NLGN2: variants seen among roughly 807,000 people sequenced by gnomAD.
NLGN2 encodes the protein neuroligin-2.
A neutral mutation model predicts 48.6 loss-of-function variants in NLGN2; 11 were observed. The ratio of observed to expected loss-of-function variants is 0.23; its 90% CI spans 0.14 to 0.37. NLGN2 has a LOEUF of 0.37. Among genes scored for constraint, NLGN2 ranks in the 10% least tolerant of loss-of-function variants. The pLI is 1.00. For missense variants in NLGN2, 801 were observed against 1,225.2 expected, an observed-to-expected ratio of 0.65 and a Z score of 5.17; for synonymous variants, 548 against 550.0, an observed-to-expected ratio of 1.00 and a Z score of 0.05.
In NLGN2 at chr17:7,419,520, T is replaced by G. The variant is rs1907301916; in HGVS notation, c.*1721T>G. On this transcript the variant is annotated 3_prime_UTR_variant, in exon 7 of 7. Transcript: ENST00000302926. ...TCCCTGGTCTTGAGTCCCCAGAACT[T>G]TGCCTCTTGACTGTCCCTTCTCTTC... 1 of 152,650 alleles carries G rather than the reference T, an allele frequency of 6.6e-6. No homozygotes were observed. The highest frequency in any genetic ancestry group is 1.5e-5 in the Non-Finnish European group (1 of 68,090). The allele number at this position is 152,650 out of a possible 1,614,324, so 9.5% of individuals were successfully genotyped here.
In NLGN2 at chr17:7,417,244, C is replaced by A. The variant is rs771912522; in HGVS notation, c.1953C>A (p.Pro651=). Residue 651 remains proline (P), a synonymous_variant, in exon 7 of 7, where the codon CCC becomes CCA. Coordinates refer to ENST00000302926, the MANE Select transcript of NLGN2 (RefSeq NM_020795.4). ...CCCCGCCGCCTGCCACCCTGCCTCCCGAGCCCGAGCCCGAGCCCGGCCCAA... is the reference window on the plus strand; with the variant it reads ...CCCCGCCGCCTGCCACCCTGCCTCCAGAGCCCGAGCCCGAGCCCGGCCCAA... ...RRPPPPATLP[P]EPEPEPGPRA... is the part of the protein sequence containing the mutation. The A allele has an allele frequency of 6.5e-7, 1 of 1,537,910 alleles. No homozygotes were observed.
Position 7,414,343 on chromosome 17 carries a change from G to T in NLGN2, c.509-1G>T. 7.9e-7 allele frequency: 1 copy of T among 1,261,000 alleles called. No individual in the cohort carries two copies. The highest frequency in any genetic ancestry group is 1.2e-5 in the South Asian group (1 of 83,660). 78.1% of individuals were successfully genotyped at this position (1,261,000 alleles called of 1,614,324 possible). A position where few individuals can be genotyped will look rare whatever the true frequency, so the allele number is the denominator to read the frequency against. ...CCACCTGCCCACCCCTCCCCACACA[G>T]ATATCCGTGACCCTGGGAAGAAGCC... is the stretch of plus-strand genomic sequence containing the variant. On this transcript the variant is annotated splice_acceptor_variant, in intron 2 of 6. Coordinates refer to ENST00000302926, the MANE Select transcript of NLGN2 (RefSeq NM_020795.4). LOFTEE classifies it high-confidence loss of function.
intron 6 of NLGN2, 138 bp downstream of exon 6, chr17:7,416,245 C>T (rs1024769402): frequency 1.1e-5 from 8 of 703,686 alleles, no homozygotes; most frequent in South Asian, 3.3e-5. Flanking sequence ...GTGCCAGGCA[C>T]GGAGTTGAGC....
intron 6 of NLGN2, among the ~76,000 whole-genome samples, chr17:7,416,383 C>G (rs1352088946): frequency 7.4e-6 from 1 of 135,254 alleles, no homozygotes; most frequent in African/African-American, 2.5e-5. Context: ...GCCCGACCCC[C>G]CTAGGGCTCT....
At position 7,408,008 on chromosome 17, in the gene NLGN2, G is replaced by A. The variant is rs994438893; in HGVS notation, c.-248G>A. On this transcript the variant is annotated 5_prime_UTR_variant, in exon 1 of 7. Transcript: ENST00000302926. The surrounding 1 kb of genome is among the most constrained non-coding windows in gnomAD (Gnocchi z 7.5). ...CCCTGCCCCTCTCGCTCCACCCCCC[G>A]CAGGTCGGGCCTGCCTTCACCTTCT... is the stretch of plus-strand genomic sequence containing the variant. 5.9e-6 allele frequency: 2 copies of A among 338,826 alleles called. No individual in the cohort carries two copies. Among genetic ancestry groups the A allele is most frequent in the East Asian group, 4.6e-5 (1 of 21,642 alleles). The allele number at this position is 338,826 out of a possible 1,614,324, so 21.0% of individuals were successfully genotyped here.
chr17:7,412,328 A>AAAAAGAAAAG, intron 2 of NLGN2, 121 bp downstream of exon 2: 1 of 751,842 alleles, frequency 1.3e-6, no homozygotes, highest in Non-Finnish European at 2.3e-6. Flanking sequence ...AACTAAAATG[A>AAAAAGAAAAG]AAAAGAAAAG....
chr17:7,416,135 T>TGGGCGGG (rs1165208136), intron 6 of NLGN2, 28 bp downstream of exon 6: 1 of 492,538 alleles, frequency 2.0e-6, no homozygotes, highest in African/African-American at 2.2e-5. Flanking sequence ...TGGGCGGGGC[T>TGGGCGGG]GGGCGGGGCC....
rs747379386 is a variant in NLGN2, at chr17:7,417,172, G to C, written c.1881G>C (p.Thr627=). 1.9e-6 allele frequency: 3 copies of C among 1,588,690 alleles called. No homozygotes were observed. The highest frequency in any genetic ancestry group is 1.1e-5 in the South Asian group (1 of 88,912). The change falls in exon 7 of 7, where the codon ACG becomes ACC. Residue 627 remains threonine, a synonymous_variant. Coordinates refer to ENST00000302926, the MANE Select transcript of NLGN2 (RefSeq NM_020795.4). ...TTTTRLPPYA[T]RWPPRPPAGA... is the part of the protein sequence containing the mutation. ...CCACGCGCCTGCCTCCCTACGCCAC[G>C]CGCTGGCCGCCTCGTCCCCCCGCTG...
At chr17:7,407,055 C>T (rs1906674195), upstream of NLGN2, among the ~76,000 whole-genome samples, 1 of 152,148 alleles carries the variant, frequency 6.6e-6, no homozygotes, top group Admixed American at 6.5e-5. Context: ...ATCTCCCCCT[C>T]CTCTCAACAT....
chr17:7,417,918 G>GCTAA lies in NLGN2; in HGVS notation c.*120_*123dup. On this transcript the variant is annotated 3_prime_UTR_variant, in exon 7 of 7. Coordinates refer to ENST00000302926, the MANE Select transcript of NLGN2 (RefSeq NM_020795.4). ...GAGTCGTCACACGCCATCCAGCAGC[G>GCTAA]CTAAGGTGGACATGGGATTCCTCCC... The GCTAA allele has an allele frequency of 1.1e-6, 1 of 923,202 alleles. No homozygotes were observed. The highest frequency in any genetic ancestry group is 3.2e-5 in the East Asian group (1 of 30,890). 57.2% of individuals were successfully genotyped at this position (923,202 alleles called of 1,614,324 possible). A position where few individuals can be genotyped will look rare whatever the true frequency, so the allele number is the denominator to read the frequency against.
chr17:7,416,843 G>A (rs1907119687), intron 6 of NLGN2, 83 bp from the exon 7 acceptor site: 1 of 1,521,244 alleles, frequency 6.6e-7, no homozygotes, highest in Admixed American at 1.9e-5. Context: ...CTGCATCTCT[G>A]TCTGTCTCCC....
chr17:7,409,783 A>T (rs1162057680), intron 1 of NLGN2, among the ~76,000 whole-genome samples: 2 of 152,058 alleles, frequency 1.3e-5, no homozygotes, highest in African/African-American at 4.8e-5. Context: ...ACTACTCCAC[A>T]ATTAAATCAT....
rs1017036694 is a variant in NLGN2, at chr17:7,413,506, G to A, written c.509-838G>A. Among the ~76,000 whole-genome samples, 1 of 152,126 alleles carries A rather than the reference G, an allele frequency of 6.6e-6. No homozygotes were observed. Among genetic ancestry groups the A allele is most frequent in the African/African-American group, 2.4e-5 (1 of 41,410 alleles). ...CTGCAGGGGAGGATACTGTAGCCTCGGGGACCCTGGCAAGCACTCTCAGAC... is the reference window on the plus strand; with the variant it reads ...CTGCAGGGGAGGATACTGTAGCCTCAGGGACCCTGGCAAGCACTCTCAGAC... On this transcript the variant is annotated intron_variant, in intron 2 of 6. Coordinates refer to ENST00000302926, the MANE Select transcript of NLGN2 (RefSeq NM_020795.4). This position sits in a 1 kb window ranked among gnomAD's most constrained non-coding sequence, Gnocchi z 4.9.
rs184795225 is a variant in NLGN2 at position 7,411,307 on chromosome 17, G to T, written c.458-850G>T. ...GCCCTGGTGGGAAATTCACCATTTTGGGGGGAGGAGAGGAAGCCTGGGTAA... is the reference window on the plus strand; with the variant it reads ...GCCCTGGTGGGAAATTCACCATTTTTGGGGGAGGAGAGGAAGCCTGGGTAA... On this transcript the variant is annotated intron_variant, in intron 1 of 6. Coordinates refer to ENST00000302926, the MANE Select transcript of NLGN2 (RefSeq NM_020795.4). This position sits in a 1 kb window ranked among gnomAD's most constrained non-coding sequence, Gnocchi z 4.5. Among the ~76,000 whole-genome samples, 1 of 152,178 alleles carries T rather than the reference G, an allele frequency of 6.6e-6. No homozygotes were observed. The highest frequency in any genetic ancestry group is 2.4e-5 in the African/African-American group (1 of 41,430).
rs1907252401 is a variant in NLGN2, at chr17:7,418,700, G to C, written c.*901G>C. 1 of 152,288 alleles carries C rather than the reference G, an allele frequency of 6.6e-6. No individual in the cohort carries two copies. Among genetic ancestry groups the C allele is most frequent in the African/African-American group, 2.4e-5 (1 of 41,396 alleles). The allele number at this position is 152,288 out of a possible 1,614,324, so 9.4% of individuals were successfully genotyped here. The stretch of plus-strand genomic sequence containing the variant: ...GAGCACAGACTTCTAGTTGGCAGGA[G>C]CTGAGGAGGGTGAACAAACCCCGAG... On this transcript the variant is annotated 3_prime_UTR_variant, in exon 7 of 7. Transcript: ENST00000302926.
rs1258316589 is a variant in NLGN2, at chr17:7,417,025, G to A, written c.1734G>A (p.Lys578=). 1 of 1,614,210 alleles carries A rather than the reference G, an allele frequency of 6.2e-7. No individual in the cohort carries two copies. ...GGAGCAAATTCAACAGCAAGGAGAA[G>A]CAGTATCTGCACATAGGCCTGAAGC... ...VVWSKFNSKE[K]QYLHIGLKPR... is the part of the protein sequence containing the mutation. The change falls in exon 7 of 7, where the codon AAG becomes AAA. Residue 578 remains lysine, a synonymous_variant. Coordinates refer to ENST00000302926, the MANE Select transcript of NLGN2 (RefSeq NM_020795.4).
intron 1 of NLGN2, 110 bp from the exon 2 acceptor site, chr17:7,412,047 C>A: frequency 2.4e-6 from 1 of 415,266 alleles, no homozygotes. Flanking sequence ...CTCCCCCACC[C>A]TCCCCTTTTC....
chr17:7,406,007 G>T (rs1383699022), upstream of NLGN2, among the ~76,000 whole-genome samples: 1 of 152,164 alleles, frequency 6.6e-6, no homozygotes, highest in Non-Finnish European at 1.5e-5. Context: ...GAGGGAGCAA[G>T]ATGTGGCAGA....
In NLGN2 at chr17:7,408,060, G is replaced by T; in HGVS notation, c.-196G>T. On this transcript the variant is annotated 5_prime_UTR_variant, in exon 1 of 7. Coordinates refer to ENST00000302926, the MANE Select transcript of NLGN2 (RefSeq NM_020795.4). This position sits in a 1 kb window ranked among gnomAD's most constrained non-coding sequence, Gnocchi z 7.5. Reference sequence around the variant, plus strand: ...CCATTTCCTTCCCCTTCCCCACCCCGTGCCCCCTCCATGGAGAGGAACAGA... The same window carrying T: ...CCATTTCCTTCCCCTTCCCCACCCCTTGCCCCCTCCATGGAGAGGAACAGA... 2 of 189,938 alleles carry T rather than the reference G, an allele frequency of 1.1e-5. No homozygotes were observed. The highest frequency in any genetic ancestry group is 1.0e-4 in the East Asian group (1 of 9,788). The allele number at this position is 189,938 out of a possible 1,614,324, so 11.8% of individuals were successfully genotyped here.
Sources: allele counts gnomAD v4.1 joint callset (sites outside exome capture counted in the v4.1 genomes callset), GRCh38; gene constraint gnomAD v4.1.1; non-coding constraint Gnocchi (gnomAD v3.1); transcripts MANE v1.5; gene names NCBI Gene and HGNC (gene_info 2026-07-23, HGNC 2026-07-21).